The following MACROD2 variants were observed in gnomAD, a reference collection of about 807,000 sequenced individuals.
The protein encoded by MACROD2 is ADP-ribose glycohydrolase MACROD2.
MACROD2 carries 36 observed loss-of-function variants against 70.4 expected under a neutral mutation model. The ratio of observed to expected loss-of-function variants is 0.51; its 90% confidence interval spans 0.39 to 0.68. The LOEUF (loss-of-function observed/expected upper bound fraction) is 0.68. MACROD2 is among the 30% of genes least tolerant of loss of function. The probability of loss-of-function intolerance (pLI) is 0.00; values close to 1 mark genes in which losing one functional copy is unlikely to be tolerated. For missense variants in MACROD2, 496 were observed against 538.4 expected (o/e 0.92, Z 0.78); for synonymous variants, 172 against 178.8 (o/e 0.96, Z 0.30).
chr20:15,426,482 C>A (rs949991730), intron 6 of MACROD2, among the ~76,000 whole-genome samples: 2 of 152,036 alleles, frequency 1.3e-5, no homozygotes, highest in African/African-American at 2.4e-5. Context: ...GTAGCTGGGA[C>A]TACAGGCATG....
At chr20:15,293,527 G>T (rs966317907) in intron 6 of MACROD2, among the ~76,000 whole-genome samples, 3 of 152,190 alleles carry the variant, frequency 2.0e-5, no homozygotes, top group African/African-American at 7.2e-5. Flanking sequence ...ACATGTTGAA[G>T]CTTGCTAGGT....
intron 5 of MACROD2, among the ~76,000 whole-genome samples, chr20:14,781,743 A>C (rs898469977): frequency 6.6e-6 from 1 of 152,052 alleles, no homozygotes; most frequent in East Asian, 1.9e-4. Flanking sequence ...ACCCATATCA[A>C]GGAGCTTCTT....
intron 3 of MACROD2, among the ~76,000 whole-genome samples, chr20:14,218,647 A>G (rs1304253258): frequency 1.3e-5 from 2 of 152,178 alleles, no homozygotes; most frequent in African/African-American, 4.8e-5. Context: ...TTTATGCTTT[A>G]AAGAGGCTCT....
chr20:15,873,617 G>A (rs2064618093), intron 9 of MACROD2, among the ~76,000 whole-genome samples: 1 of 151,692 alleles, frequency 6.6e-6, no homozygotes, highest in Non-Finnish European at 1.5e-5. Context: ...ATTTGCCTTT[G>A]TGATATTCTT....
chr20:15,267,166 C>T (rs1229818970), intron 6 of MACROD2, among the ~76,000 whole-genome samples: 1 of 152,098 alleles, frequency 6.6e-6, no homozygotes, highest in Non-Finnish European at 1.5e-5. Flanking sequence ...GTCATTCCAT[C>T]CCCCTCTCCT....
At chr20:15,443,889 A>C (rs1000928935) in intron 7 of MACROD2, among the ~76,000 whole-genome samples, 1 of 152,180 alleles carries the variant, frequency 6.6e-6, no homozygotes, top group African/African-American at 2.4e-5. Context: ...ACTCTAAGGA[A>C]TGATTTCATT....
intron 5 of MACROD2, among the ~76,000 whole-genome samples, chr20:14,913,818 A>G (rs1303372242): frequency 1.3e-5 from 2 of 152,158 alleles, no homozygotes; most frequent in Non-Finnish European, 2.9e-5. Context: ...TATTTTGAGT[A>G]TTAATAATGT....
At chr20:15,511,174 C>A (rs560578568) in intron 8 of MACROD2, among the ~76,000 whole-genome samples, 1 of 152,252 alleles carries the variant, frequency 6.6e-6, no homozygotes, top group East Asian at 1.9e-4. Flanking sequence ...CAGGAAGGAG[C>A]TATGCACGCA....
At chr20:14,231,348 C>G (rs2081810624) in intron 3 of MACROD2, among the ~76,000 whole-genome samples, 1 of 151,742 alleles carries the variant, frequency 6.6e-6, no homozygotes, top group Non-Finnish European at 1.5e-5. Context: ...TCCATGTGTT[C>G]TCATTGTTCA....
intron 3 of MACROD2, among the ~76,000 whole-genome samples, chr20:14,229,605 G>C (rs1037009726): frequency 6.6e-6 from 1 of 152,216 alleles, no homozygotes; most frequent in Non-Finnish European, 1.5e-5. Context: ...ATTCATTGCT[G>C]GTGGGAATGC....
At chr20:14,736,032 A>C (rs2071660471) in intron 5 of MACROD2, among the ~76,000 whole-genome samples, 1 of 152,194 alleles carries the variant, frequency 6.6e-6, no homozygotes, top group African/African-American at 2.4e-5. Flanking sequence ...ACAAATGTTT[A>C]TAGCAGCAAT....
intron 5 of MACROD2, among the ~76,000 whole-genome samples, chr20:14,965,177 G>T (rs1271964040): frequency 6.6e-6 from 1 of 152,098 alleles, no homozygotes; most frequent in African/African-American, 2.4e-5. Flanking sequence ...TGTGGTGATT[G>T]TTAAGAAGCA....
intron 3 of MACROD2, among the ~76,000 whole-genome samples, chr20:14,137,323 T>C (rs1157846871): frequency 2.6e-5 from 4 of 152,214 alleles, no homozygotes; most frequent in African/African-American, 7.2e-5. Context: ...TAAGGACTTA[T>C]AAGGAAATGT....
At chr20:14,096,227 A>G (rs1382863189) in intron 3 of MACROD2, among the ~76,000 whole-genome samples, 3 of 152,342 alleles carry the variant, frequency 2.0e-5, no homozygotes, top group Non-Finnish European at 4.4e-5. Context: ...TTCATTGTGT[A>G]TAAAGTATGT....
intron 5 of MACROD2, among the ~76,000 whole-genome samples, chr20:14,890,253 A>T (rs2073737423): frequency 6.6e-6 from 1 of 152,100 alleles, no homozygotes; most frequent in African/African-American, 2.4e-5. Context: ...ATTTCAAGTC[A>T]TGAGGATAGA....
At chr20:16,015,544 T>C (rs1267233255) in intron 15 of MACROD2, among the ~76,000 whole-genome samples, 1 of 152,222 alleles carries the variant, frequency 6.6e-6, no homozygotes, top group East Asian at 1.9e-4. Flanking sequence ...ATAATTGGTT[T>C]GTCTTGTTCT....
chr20:15,746,436 T>C (rs192282040), intron 8 of MACROD2, among the ~76,000 whole-genome samples: 168 of 151,974 alleles, frequency 1.1e-3, no homozygotes, highest in African/African-American at 3.8e-3. Context: ...AATCATACTA[T>C]CTTTGAAAAA....
intron 3 of MACROD2, among the ~76,000 whole-genome samples, chr20:14,418,546 G>A (rs1218070178): frequency 6.6e-6 from 1 of 152,158 alleles, no homozygotes; most frequent in Non-Finnish European, 1.5e-5. Flanking sequence ...CAACTACTAT[G>A]TTAATAAGTA....
chr20:15,761,528 G>T (rs1393991942), intron 8 of MACROD2, among the ~76,000 whole-genome samples: 5 of 152,112 alleles, frequency 3.3e-5, no homozygotes, highest in Admixed American at 2.0e-4. Context: ...GGAGAAAAAG[G>T]CTATTAAAGC....
Sources: gnomAD v4.1 joint callset for allele counts (sites outside exome capture counted in the v4.1 genomes callset) on GRCh38, gnomAD v4.1.1 for gene constraint, MANE v1.5 for transcripts, NCBI Gene and HGNC (gene_info 2026-07-23, HGNC 2026-07-21) for gene names.